Variants in SAMSN1 observed in about 807,000 individuals in gnomAD.
The protein encoded by SAMSN1 is SAM domain-containing protein SAMSN-1.
SAMSN1 carries 31 observed loss-of-function variants against 42.0 expected under a neutral mutation model. That is an observed-to-expected ratio of 0.74 (90% confidence interval 0.55 to 1.00). The LOEUF (loss-of-function observed/expected upper bound fraction) is 1.00. Among genes scored for constraint, SAMSN1 ranks in the 50% least tolerant of loss-of-function variants. SAMSN1 has a pLI of 0.00. For missense variants in SAMSN1, 464 were observed against 439.4 expected (o/e 1.06, Z -0.50); for synonymous variants, 178 against 151.9 (o/e 1.17, Z -1.26).
intron 1 of SAMSN1, among the ~76,000 whole-genome samples, chr21:14,535,592 G>A (rs1979555332): frequency 6.6e-6 from 1 of 152,118 alleles, no homozygotes. Flanking sequence ...GACTGTATTT[G>A]GATATAAAGC....
At chr21:14,554,156 G>T (rs1002644045) in intron 2 of SAMSN1, among the ~76,000 whole-genome samples, 1 of 151,918 alleles carries the variant, frequency 6.6e-6, no homozygotes, top group Non-Finnish European at 1.5e-5. Context: ...CTTTCTGATT[G>T]TTCACTTTTC....
At position 14,485,968 on chromosome 21, in the gene SAMSN1, A is replaced by T. The variant is rs1986417187; in HGVS notation, c.1066T>A (p.Ser356Thr). ...TGTACCATGTCAGACAGATTTTCAG[A>T]CTCCAGATCCTCTTTGCCATTATCT... ...NSDNGKEDLE[S>T]ENLSDMVHKI... The change falls in exon 8 of 8, where the codon TCT becomes ACT. Residue 356 changes from serine (S) to threonine (T), a missense_variant. Physicochemically the swap from Ser to Thr is moderately conservative, Grantham distance 58. Coordinates refer to ENST00000400566, the MANE Select transcript of SAMSN1 (RefSeq NM_022136.5). 6.2e-7 allele frequency: 1 copy of T among 1,613,712 alleles called. No individual in the cohort carries two copies. The highest frequency in any genetic ancestry group is 8.5e-7 in the Non-Finnish European group (1 of 1,179,752).
chr21:14,577,973 T>C (rs1186544008), intron 2 of SAMSN1, among the ~76,000 whole-genome samples: 1 of 152,240 alleles, frequency 6.6e-6, no homozygotes, highest in Non-Finnish European at 1.5e-5. Context: ...TGTTGACTTC[T>C]GTGAAGAGCC....
At chr21:14,644,316 G>A (rs539590345) in intron 1 of SAMSN1, among the ~76,000 whole-genome samples, 4 of 150,616 alleles carry the variant, frequency 2.7e-5, no homozygotes, top group East Asian at 2.0e-4. Context: ...GTCTTGCATC[G>A]AGGGTACCAG....
intron 2 of SAMSN1, among the ~76,000 whole-genome samples, chr21:14,555,235 C>T (rs1426604350): frequency 1.3e-5 from 2 of 152,180 alleles, no homozygotes; most frequent in Non-Finnish European, 2.9e-5. Context: ...CTCCAACTCT[C>T]CATTCACCTT....
At chr21:14,538,122 G>A (rs137895432) in intron 1 of SAMSN1, among the ~76,000 whole-genome samples, 246 of 152,186 alleles carry the variant, frequency 1.6e-3, no homozygotes, top group Admixed American at 3.3e-3. Flanking sequence ...CTGGTTTTTT[G>A]TTTTGTTTTG....
At chr21:14,656,060 T>C (rs967605322) in intron 1 of SAMSN1, among the ~76,000 whole-genome samples, 1 of 151,786 alleles carries the variant, frequency 6.6e-6, no homozygotes, top group Non-Finnish European at 1.5e-5. Flanking sequence ...TATTGAAGGC[T>C]ATGAAAGAAT....
At chr21:14,640,428 G>T (rs1172384920) in intron 2 of SAMSN1, among the ~76,000 whole-genome samples, 1 of 152,022 alleles carries the variant, frequency 6.6e-6, no homozygotes, top group Non-Finnish European at 1.5e-5. Flanking sequence ...GAGTATTTCA[G>T]GGTGATTTCA....
intron 1 of SAMSN1, among the ~76,000 whole-genome samples, chr21:14,650,250 C>T (rs2123394583): frequency 6.6e-6 from 1 of 152,150 alleles, no homozygotes; most frequent in African/African-American, 2.4e-5. Flanking sequence ...ATTCTTTTCC[C>T]TAGAAAGTGG....
At chr21:14,614,294 A>T (rs1245722542) in intron 3 of SAMSN1, among the ~76,000 whole-genome samples, 2 of 152,134 alleles carry the variant, frequency 1.3e-5, no homozygotes, top group African/African-American at 4.8e-5. Context: ...GATGCAGTTG[A>T]GGTAGTAGAA....
intron 1 of SAMSN1, among the ~76,000 whole-genome samples, chr21:14,648,716 T>G (rs1600983935): frequency 6.6e-6 from 1 of 151,144 alleles, no homozygotes; most frequent in Admixed American, 6.6e-5. Context: ...AAAACCACAA[T>G]GAGATACCAT....
chr21:14,648,125 G>T (rs975656034), intron 1 of SAMSN1, among the ~76,000 whole-genome samples: 14 of 151,450 alleles, frequency 9.2e-5, no homozygotes, highest in African/African-American at 3.4e-4. Context: ...CTGTGGGTTT[G>T]TCATAGATAG....
intron 1 of SAMSN1, among the ~76,000 whole-genome samples, chr21:14,534,199 C>A (rs1468369601): frequency 6.6e-6 from 1 of 152,170 alleles, no homozygotes; most frequent in African/African-American, 2.4e-5. Flanking sequence ...ATCCATTAGT[C>A]ATTTCACACT....
chr21:14,626,236 A>C (rs1056091347), intron 2 of SAMSN1, among the ~76,000 whole-genome samples: 1 of 152,240 alleles, frequency 6.6e-6, no homozygotes, highest in African/African-American at 2.4e-5. Flanking sequence ...CTTCATGTCT[A>C]AAATACCAAA....
chr21:14,586,745 C>G (rs970608596), upstream of SAMSN1, among the ~76,000 whole-genome samples: 1 of 152,004 alleles, frequency 6.6e-6, no homozygotes, highest in Non-Finnish European at 1.5e-5. Flanking sequence ...AAAGCTGAGG[C>G]CTGAATGATG....
intron 1 of SAMSN1, among the ~76,000 whole-genome samples, chr21:14,644,512 G>A (rs974839491): frequency 6.6e-6 from 1 of 152,086 alleles, no homozygotes; most frequent in African/African-American, 2.4e-5. Flanking sequence ...TGAATAGCCA[G>A]CAGTGATACC....
upstream of SAMSN1, among the ~76,000 whole-genome samples, chr21:14,586,942 G>C (rs1277304742): frequency 6.6e-6 from 1 of 152,198 alleles, no homozygotes; most frequent in Non-Finnish European, 1.5e-5. Context: ...AGAATGCTTA[G>C]TATGTGCCCA....
intron 2 of SAMSN1, among the ~76,000 whole-genome samples, chr21:14,564,064 G>A (rs1052352864): frequency 6.6e-6 from 1 of 151,986 alleles, no homozygotes; most frequent in Non-Finnish European, 1.5e-5. Context: ...GTCTAGCATT[G>A]GTAAATACAT....
chr21:14,555,687 T>C (rs745563201), intron 2 of SAMSN1, among the ~76,000 whole-genome samples: 6 of 152,208 alleles, frequency 3.9e-5, no homozygotes, highest in African/African-American at 9.6e-5. Context: ...GTGGAAGAGT[T>C]TGCCTTTTCA....
Sources: allele counts gnomAD v4.1 joint callset (sites outside exome capture counted in the v4.1 genomes callset), GRCh38; gene constraint gnomAD v4.1.1; transcripts MANE v1.5; gene names NCBI Gene and HGNC (gene_info 2026-07-23, HGNC 2026-07-21).